Variants in AIG1 observed in about 807,000 individuals in gnomAD.
AIG1 encodes the protein androgen-induced gene 1 protein.
Under a neutral mutation model 31.4 loss-of-function variants are expected in AIG1, and 23 were observed. The ratio of observed to expected loss-of-function variants is 0.73; its 90% CI spans 0.53 to 1.04. The LOEUF (loss-of-function observed/expected upper bound fraction) is 1.04. Ranked by LOEUF, AIG1 falls within the 50% of genes least tolerant of loss-of-function variation. The pLI is 0.00. For synonymous variants in AIG1, 100 were observed against 110.5 expected, an observed-to-expected ratio of 0.90 and a Z score of 0.60; for missense variants, 274 against 295.0, an observed-to-expected ratio of 0.93 and a Z score of 0.52.
intron 2 of AIG1, among the ~76,000 whole-genome samples, chr6:143,146,549 CTT>C (rs1453126589): frequency 6.6e-6 from 1 of 151,774 alleles, no homozygotes; most frequent in African/African-American, 2.4e-5. Context: ...CCTCTTCTCT[CTT>C]TCTCTCTCTA....
intron 1 of AIG1, among the ~76,000 whole-genome samples, chr6:143,124,020 T>C (rs1782454228): frequency 6.6e-6 from 1 of 152,172 alleles, no homozygotes; most frequent in African/African-American, 2.4e-5. Flanking sequence ...AAAGCAAATG[T>C]TTTAAAATGA....
intron 3 of AIG1, among the ~76,000 whole-genome samples, chr6:143,278,844 A>G (rs1013372595): frequency 1.3e-5 from 2 of 152,204 alleles, no homozygotes; most frequent in African/African-American, 4.8e-5. Context: ...AGGCCTCAAA[A>G]TAATCTAATA....
chr6:143,296,826 T>C (rs1042184471), intron 4 of AIG1, among the ~76,000 whole-genome samples: 2 of 152,174 alleles, frequency 1.3e-5, no homozygotes, highest in African/African-American at 2.4e-5. Flanking sequence ...ATTTTCAAAG[T>C]AAGAGAAGCA....
chr6:143,182,013 CTT>C (rs963140229), intron 3 of AIG1, among the ~76,000 whole-genome samples: 1 of 150,754 alleles, frequency 6.6e-6, no homozygotes, highest in Non-Finnish European at 1.5e-5. Flanking sequence ...CTCTCTCTCT[CTT>C]TTTTTTTCTT....
At chr6:143,236,048 C>T (rs568560864) in intron 3 of AIG1, among the ~76,000 whole-genome samples, 3 of 152,290 alleles carry the variant, frequency 2.0e-5, no homozygotes, top group East Asian at 1.9e-4. Context: ...AAAATATTTT[C>T]GGGTATATAT....
chr6:143,130,615 A>T (rs1213420058), intron 1 of AIG1, among the ~76,000 whole-genome samples: 1 of 152,016 alleles, frequency 6.6e-6, no homozygotes, highest in Non-Finnish European at 1.5e-5. Context: ...GCTACTGGGG[A>T]GGCTGAGACA....
chr6:143,260,409 T>C (rs1795682145), intron 3 of AIG1, among the ~76,000 whole-genome samples: 1 of 152,236 alleles, frequency 6.6e-6, no homozygotes, highest in Non-Finnish European at 1.5e-5. Flanking sequence ...TATTAAATAA[T>C]TGGAATTTGA....
At chr6:143,182,179 C>G (rs1055560964) in intron 3 of AIG1, among the ~76,000 whole-genome samples, 1 of 152,104 alleles carries the variant, frequency 6.6e-6, no homozygotes, top group Non-Finnish European at 1.5e-5. Flanking sequence ...GCACACCCCA[C>G]CATGCATGGC....
intron 3 of AIG1, among the ~76,000 whole-genome samples, chr6:143,222,210 C>T (rs1174512708): frequency 6.6e-6 from 1 of 152,056 alleles, no homozygotes; most frequent in Non-Finnish European, 1.5e-5. Flanking sequence ...CCCAAAGCAC[C>T]ATAGTGGAAG....
At chr6:143,259,674 A>C (rs1334627700) in intron 3 of AIG1, among the ~76,000 whole-genome samples, 5 of 152,164 alleles carry the variant, frequency 3.3e-5, no homozygotes, top group African/African-American at 7.2e-5. Context: ...CTCATAACCA[A>C]AATTGGGAAC....
intron 1 of AIG1, among the ~76,000 whole-genome samples, chr6:143,070,249 A>C (rs1777129327): frequency 6.6e-6 from 1 of 152,204 alleles, no homozygotes; most frequent in South Asian, 2.1e-4. Flanking sequence ...TGAATCTATA[A>C]AACGATTTGG....
At chr6:143,097,414 A>G (rs1327588675) in intron 1 of AIG1, among the ~76,000 whole-genome samples, 2 of 152,036 alleles carry the variant, frequency 1.3e-5, no homozygotes, top group African/African-American at 2.4e-5. Context: ...TTTACCTTCA[A>G]TCTTACTCAT....
chr6:143,112,305 C>T (rs1781344387), intron 1 of AIG1, among the ~76,000 whole-genome samples: 1 of 152,220 alleles, frequency 6.6e-6, no homozygotes, highest in African/African-American at 2.4e-5. Flanking sequence ...TTCTCCAAAA[C>T]TTACCTTGGT....
At chr6:143,285,042 T>C (rs1239374126) in intron 4 of AIG1, among the ~76,000 whole-genome samples, 1 of 152,066 alleles carries the variant, frequency 6.6e-6, no homozygotes, top group African/African-American at 2.4e-5. Flanking sequence ...CACCATCCCC[T>C]CCTTTAAGCC....
At chr6:143,194,022 T>C (rs1249534932) in intron 3 of AIG1, among the ~76,000 whole-genome samples, 1 of 152,206 alleles carries the variant, frequency 6.6e-6, no homozygotes, top group Non-Finnish European at 1.5e-5. Flanking sequence ...CAGTAAAATG[T>C]AGGAGAGGCT....
At chr6:143,115,135 G>A (rs1408242617) in intron 1 of AIG1, among the ~76,000 whole-genome samples, 3 of 152,178 alleles carry the variant, frequency 2.0e-5, no homozygotes, top group African/African-American at 2.4e-5. Flanking sequence ...GCAATTTCCA[G>A]ATTGGCAATA....
At chr6:143,266,098 C>A (rs1018634036) in intron 3 of AIG1, among the ~76,000 whole-genome samples, 8 of 152,136 alleles carry the variant, frequency 5.3e-5, no homozygotes, top group African/African-American at 1.9e-4. Context: ...GCCTGTAATC[C>A]CAGCACTGTG....
rs1385546862 is a variant in AIG1 at position 143,325,703 on chromosome 6, A to C, written c.516-7579A>C. Among the ~76,000 whole-genome samples the C allele has an allele frequency of 6.6e-6, 1 of 152,214 alleles. No homozygotes were observed. The highest frequency in any genetic ancestry group is 1.5e-5 in the Non-Finnish European group (1 of 68,036). ...AATCAGTGCCTGTCAAATTTCTTTT[A>C]CAGGTATACACACATAACTGAAATA... is the stretch of plus-strand genomic sequence containing the variant. On this transcript the variant is annotated intron_variant, in intron 4 of 5. Transcript: ENST00000357847. This position sits in a 1 kb window ranked among gnomAD's most constrained non-coding sequence, Gnocchi z 4.3.
At chr6:143,080,599 G>C (rs1012240680) in intron 1 of AIG1, among the ~76,000 whole-genome samples, 1 of 152,034 alleles carries the variant, frequency 6.6e-6, no homozygotes, top group African/African-American at 2.4e-5. Context: ...GGTGCAGTGA[G>C]AGTGAAAGGG....
Sources: gnomAD v4.1 joint callset for allele counts (sites outside exome capture counted in the v4.1 genomes callset) on GRCh38, gnomAD v4.1.1 for gene constraint, Gnocchi (gnomAD v3.1) non-coding constraint, MANE v1.5 for transcripts, NCBI Gene and HGNC (gene_info 2026-07-23, HGNC 2026-07-21) for gene names.